The following LRRC37A2 variants were observed in gnomAD, a reference collection of about 807,000 sequenced individuals.
The protein encoded by LRRC37A2 is leucine rich repeat containing 37 member A2, also known as leucine-rich repeat-containing protein 37A2.
LRRC37A2 carries 9 observed loss-of-function variants against 68.8 expected under a neutral mutation model. That is an observed-to-expected ratio of 0.13 (90% CI 0.08 to 0.23). LRRC37A2 has a LOEUF of 0.23. Ranked by LOEUF, LRRC37A2 falls within the 10% of genes least tolerant of loss-of-function variation. LRRC37A2 has a pLI of 1.00. For synonymous variants in LRRC37A2, 63 were observed against 367.6 expected, an observed-to-expected ratio of 0.17 and a Z score of 9.48; for missense variants, 168 against 950.4, an observed-to-expected ratio of 0.18 and a Z score of 10.82.
chr17:46,841,891 C>A, the LRRC37A2 span, among the ~76,000 whole-genome samples: 1 of 152,292 alleles, frequency 6.6e-6, no homozygotes, highest in South Asian at 2.1e-4. Flanking sequence ...CGCTCCTCTG[C>A]GGTGTGTGGG....
chr17:46,877,168 T>C, the LRRC37A2 span: 1 of 833,890 alleles, frequency 1.2e-6, no homozygotes, highest in African/African-American at 1.8e-5. Context: ...GGCGGGAGCC[T>C]GGCTGAGATG....
At chr17:46,849,121 C>T in the LRRC37A2 span, among the ~76,000 whole-genome samples, 29,836 of 152,178 alleles carry the variant, frequency 0.2, 3,595 homozygotes, top group East Asian at 0.49. Context: ...ACAGTTCTAA[C>T]ATCAGGAGGA....
the LRRC37A2 span, among the ~76,000 whole-genome samples, chr17:46,894,166 C>A: frequency 6.6e-6 from 1 of 152,216 alleles, no homozygotes; most frequent in Non-Finnish European, 1.5e-5. Context: ...AACAAATTCA[C>A]CCTGGCTTTG....
the LRRC37A2 span, among the ~76,000 whole-genome samples, chr17:46,797,534 A>T: frequency 6.6e-6 from 1 of 152,228 alleles, no homozygotes; most frequent in Non-Finnish European, 1.5e-5. Flanking sequence ...TGGGAAAAAC[A>T]ATCTCAAAGA....
At chr17:46,764,990 C>T in the LRRC37A2 span, among the ~76,000 whole-genome samples, 8 of 152,366 alleles carry the variant, frequency 5.3e-5, no homozygotes, top group Middle Eastern at 3.4e-3. Context: ...GCTGGGCTCA[C>T]GCCAGGCATG....
the LRRC37A2 span, among the ~76,000 whole-genome samples, chr17:46,834,969 C>T: frequency 6.6e-6 from 1 of 152,128 alleles, no homozygotes; most frequent in East Asian, 1.9e-4. Context: ...GGCCCTCAGT[C>T]TCTCTTCTTC....
chr17:46,754,971 T>C, the LRRC37A2 span, among the ~76,000 whole-genome samples: 3 of 152,360 alleles, frequency 2.0e-5, no homozygotes, highest in African/African-American at 4.8e-5. Flanking sequence ...AACAGGTGAA[T>C]TGGTTGTCAT....
At chr17:46,678,688 C>T in the LRRC37A2 span, among the ~76,000 whole-genome samples, 37 of 107,576 alleles carry the variant, frequency 3.4e-4, no homozygotes, top group Admixed American at 1.1e-3. Context: ...TACCAAAGAA[C>T]TCTACATATA....
At chr17:46,784,225 G>A in the LRRC37A2 span, among the ~76,000 whole-genome samples, 3 of 152,200 alleles carry the variant, frequency 2.0e-5, no homozygotes, top group Non-Finnish European at 2.9e-5. Flanking sequence ...TATGGCCAAA[G>A]TTTTGAGCCA....
At chr17:46,876,618 G>A in the LRRC37A2 span, 54 of 1,610,930 alleles carry the variant, frequency 3.4e-5, 1 homozygote, top group Middle Eastern at 3.3e-4. Context: ...ACCCAGAGCC[G>A]CCTGGTGGCC....
the LRRC37A2 span, among the ~76,000 whole-genome samples, chr17:46,498,778 A>T: frequency 6.7e-6 from 1 of 148,844 alleles, no homozygotes; most frequent in South Asian, 2.1e-4. Context: ...GGGAAAATTT[A>T]AAAATGCAAA....
intron 8 of LRRC37A2, among the ~76,000 whole-genome samples, chr17:46,541,857 T>A (rs2941981): frequency 2.0e-5 from 3 of 150,704 alleles, no homozygotes; most frequent in African/African-American, 5.0e-5. Context: ...GACTTTGGTA[T>A]CTGCAGGGGG....
the LRRC37A2 span, among the ~76,000 whole-genome samples, chr17:46,832,494 C>T: frequency 1.6e-4 from 25 of 152,132 alleles, no homozygotes; most frequent in African/African-American, 5.8e-4. Flanking sequence ...CAGCCAGAAT[C>T]AGCCCTGCTC....
At chr17:46,961,743 A>C in the LRRC37A2 span, among the ~76,000 whole-genome samples, 1 of 152,208 alleles carries the variant, frequency 6.6e-6, no homozygotes, top group Non-Finnish European at 1.5e-5. Context: ...GTTGAAGAAG[A>C]GATACACAAA....
intron 6 of LRRC37A2, among the ~76,000 whole-genome samples, chr17:46,533,481 TGTAA>T (rs1261790315): frequency 2.1e-5 from 3 of 145,568 alleles, no homozygotes; most frequent in South Asian, 2.1e-4. Flanking sequence ...TATTGCATTA[TGTAA>T]GTATCTTTTT....
chr17:47,032,963 T>C, the LRRC37A2 span, among the ~76,000 whole-genome samples: 4 of 152,234 alleles, frequency 2.6e-5, no homozygotes, highest in East Asian at 7.7e-4. Context: ...CATGCTGTAA[T>C]CCCAGCACTT....
At chr17:46,747,874 G>T in the LRRC37A2 span, among the ~76,000 whole-genome samples, 2 of 152,162 alleles carry the variant, frequency 1.3e-5, no homozygotes, top group East Asian at 3.8e-4. Context: ...AGAACTGAAT[G>T]ATTGGAATTT....
the LRRC37A2 span, chr17:46,713,888 A>G: frequency 3.1e-6 from 5 of 1,612,618 alleles, no homozygotes; most frequent in Non-Finnish European, 4.2e-6. Flanking sequence ...TTTAGCTGCA[A>G]AAATTGCAGA....
chr17:46,908,736 C>T, the LRRC37A2 span, among the ~76,000 whole-genome samples: 2 of 152,196 alleles, frequency 1.3e-5, no homozygotes, highest in African/African-American at 4.8e-5. Context: ...AGACTCAGTG[C>T]CTCCCAGGGG....
Sources: gnomAD v4.1 joint callset for allele counts (sites outside exome capture counted in the v4.1 genomes callset) on GRCh38, gnomAD v4.1.1 for gene constraint, MANE v1.5 for transcripts, NCBI Gene and HGNC (gene_info 2026-07-23, HGNC 2026-07-21) for gene names.